DOCK6: variants seen among roughly 807,000 people sequenced by gnomAD.
DOCK6 encodes the protein dedicator of cytokinesis 6.
Under a neutral mutation model 230.3 loss-of-function variants are expected in DOCK6, and 167 were observed. The ratio of observed to expected loss-of-function variants is 0.73; its 90% CI spans 0.64 to 0.82. DOCK6 has a LOEUF of 0.82. DOCK6 is among the 40% of genes least tolerant of loss of function. DOCK6 has a pLI of 0.00. For missense variants in DOCK6, 2,598 were observed against 2,825.8 expected, an observed-to-expected ratio of 0.92 and a Z score of 1.83; for synonymous variants, 1,148 against 1,185.0, an observed-to-expected ratio of 0.97 and a Z score of 0.64.
chr19:11,236,788 C>G lies in DOCK6; in HGVS notation c.2160+5G>C, dbSNP rs150276162. 11 of 1,552,378 alleles carry G rather than the reference C, an allele frequency of 7.1e-6. No individual in the cohort carries two copies. Among genetic ancestry groups the G allele is most frequent in the Non-Finnish European group, 7.0e-6 (8 of 1,147,812 alleles). On this transcript the variant is annotated splice_donor_5th_base_variant and intron_variant, in intron 19 of 47. Coordinates refer to ENST00000294618, the MANE Select transcript of DOCK6 (RefSeq NM_020812.4). The surrounding 1 kb of genome is among the most constrained non-coding windows in gnomAD (Gnocchi z 5.2). ...GGGACTCTTGGTTCCCGGCCCACCCCGTACCTGGGGGTGCACAGAGGACAC... is the reference window on the plus strand; with the variant it reads ...GGGACTCTTGGTTCCCGGCCCACCCGGTACCTGGGGGTGCACAGAGGACAC...
At chr19:11,255,873 G>A (rs1405782540) in intron 1 of DOCK6, among the ~76,000 whole-genome samples, 5 of 152,062 alleles carry the variant, frequency 3.3e-5, no homozygotes, top group East Asian at 1.9e-4. Flanking sequence ...TGCAAGCTCC[G>A]CCTCCCGGGT....
intron 5 of DOCK6, chr19:11,251,775 A>G (rs1464144326): frequency 5.7e-6 from 1 of 174,710 alleles, no homozygotes; most frequent in African/African-American, 2.4e-5. Flanking sequence ...TAATCTTTGG[A>G]ATAATTATGG....
intron 20 of DOCK6, 118 bp from the exon 21 acceptor site, chr19:11,235,877 A>ATTTTTTTT (rs56665433): frequency 3.4e-6 from 3 of 886,196 alleles, no homozygotes; most frequent in African/African-American, 2.1e-5. Flanking sequence ...GGGGTCACAA[A>ATTTTTTTT]TTTTTTTTTT....
intron 41 of DOCK6, chr19:11,203,647 C>G: frequency 5.0e-6 from 1 of 201,062 alleles, no homozygotes; most frequent in Non-Finnish European, 1.0e-5. Flanking sequence ...AAATGAGGAG[C>G]AGAGAGCCTG....
chr19:11,239,574 G>GT, intron 14 of DOCK6: 1 of 1,586,952 alleles, frequency 6.3e-7, no homozygotes, highest in Admixed American at 1.8e-5. Flanking sequence ...CTGGGGATCA[G>GT]TGGGGGTATG....
At chr19:11,237,823 C>T (rs990374216) in intron 16 of DOCK6, 44 bp from the exon 17 acceptor site, 5 of 1,541,836 alleles carry the variant, frequency 3.2e-6, no homozygotes, top group Non-Finnish European at 3.5e-6. Context: ...CTGGGGTCCC[C>T]ACTGTCTGCC....
Position 11,201,832 on chromosome 19 carries a change from C to CCCG in DOCK6, c.5688+56_5688+57insCGG. ...CTGTGTCTACCCTCCCCTCCCCTCC[C>CCCG]AGGGTCTGATGTCCCCTCACCTCCC... On this transcript the variant is annotated intron_variant, in intron 44 of 47. Coordinates refer to ENST00000294618, the MANE Select transcript of DOCK6 (RefSeq NM_020812.4). The surrounding 1 kb of genome is among the most constrained non-coding windows in gnomAD (Gnocchi z 4.3). 3 of 1,317,132 alleles carry CCCG rather than the reference C, an allele frequency of 2.3e-6. No individual in the cohort carries two copies. The highest frequency in any genetic ancestry group is 1.0e-6 in the Non-Finnish European group (1 of 961,284). 81.6% of individuals were successfully genotyped at this position (1,317,132 alleles called of 1,614,324 possible).
intron 2 of DOCK6, 144 bp from the exon 3 acceptor site, chr19:11,253,102 A>G: frequency 1.3e-6 from 1 of 793,370 alleles, no homozygotes; most frequent in Non-Finnish European, 2.0e-6. Flanking sequence ...CGGAGGAACC[A>G]TGGAGGATGA....
At chr19:11,220,120 A>G (rs1281257512) in intron 28 of DOCK6, among the ~76,000 whole-genome samples, 1 of 151,852 alleles carries the variant, frequency 6.6e-6, no homozygotes, top group African/African-American at 2.4e-5. Flanking sequence ...CGTCGAGCTA[A>G]TGTTTGTATT....
Position 11,227,388 on chromosome 19 carries a change from G to A in DOCK6, c.2904C>T (p.Ile968=), listed in dbSNP as rs778201189. The change falls in exon 24 of 48, where the codon ATC becomes ATT. Residue 968 remains isoleucine (I), a synonymous_variant. Transcript: ENST00000294618. ...GGCCCACAGAGCCCACCAAGGCAGT[G>A]ATGTCGTCCAGGAAGCGTCCGGGGA... ...LRFPGRFLDD[I]TALVGSVGLE... 6.2e-7 allele frequency: 1 copy of A among 1,613,886 alleles called. No individual in the cohort carries two copies. The highest frequency in any genetic ancestry group is 1.1e-5 in the South Asian group (1 of 91,078).
chr19:11,240,140 G>C, intron 14 of DOCK6: 1 of 1,551,692 alleles, frequency 6.4e-7, no homozygotes, highest in South Asian at 1.2e-5. Context: ...AGCAGATGGA[G>C]GAGGATATTC....
chr19:11,213,068 T>G, intron 35 of DOCK6, 108 bp downstream of exon 35: 2 of 1,414,546 alleles, frequency 1.4e-6, no homozygotes, highest in East Asian at 2.4e-5. Context: ...CTCCTGCTCA[T>G]TATGCTCAAT....
Position 11,217,040 on chromosome 19 carries a change from A to G in DOCK6, c.3768T>C (p.Cys1256=), listed in dbSNP as rs1234664260. Residue 1256 remains cysteine, a synonymous_variant, in exon 30 of 48, where the codon TGT becomes TGC. Coordinates refer to ENST00000294618, the MANE Select transcript of DOCK6 (RefSeq NM_020812.4). ...SAESSRTLLA[C]VLWVLKNTEP... ...CGGTGTTTTTCAGCACCCACAGCAC[A>G]CACGCCAGCAAGGTCCGGCTTGACT... 2 of 1,613,524 alleles carry G rather than the reference A, an allele frequency of 1.2e-6. No individual in the cohort carries two copies. Among genetic ancestry groups the G allele is most frequent in the Non-Finnish European group, 1.7e-6 (2 of 1,179,898 alleles).
Position 11,217,262 on chromosome 19 carries a change from G to A in DOCK6, c.3680C>T (p.Ser1227Phe). ...AIAGGPLAPG[S>F]RASISQGPPT... is the part of the protein sequence containing the mutation. Reference sequence around the variant, plus strand: ...TGGCCCCTGGGAGATGCTGGCCCGGGAGCCAGGGGCTAGGGGGCCACCAGC... The same window carrying A: ...TGGCCCCTGGGAGATGCTGGCCCGGAAGCCAGGGGCTAGGGGGCCACCAGC... Residue 1227 changes from serine (S) to phenylalanine (F), a missense_variant, in exon 29 of 48, where the codon TCC (serine) becomes TTC (phenylalanine). Coordinates refer to ENST00000294618, the MANE Select transcript of DOCK6 (RefSeq NM_020812.4). The A allele has an allele frequency of 6.2e-7, 1 of 1,612,876 alleles. No homozygotes were observed. The highest frequency in any genetic ancestry group is 1.1e-5 in the South Asian group (1 of 90,940).
intron 28 of DOCK6, chr19:11,221,614 A>G (rs997450858): frequency 3.6e-6 from 2 of 561,700 alleles, no homozygotes; most frequent in Non-Finnish European, 6.3e-6. Context: ...ACAGCCCCCC[A>G]CATTTTCACA....
rs1239731340 is a variant in DOCK6 at position 11,243,670 on chromosome 19, T to C, written c.1145A>G (p.Gln382Arg). ...GTAGCGGCCCAGGCGGGTGCAGAAC[T>C]GCTCGGCCGCCAGGCGCAGCTTCTC... Reference protein sequence around the residue: ...KLEKLRLAAEQFCTRLGRYRM... With the variant: ...KLEKLRLAAERFCTRLGRYRM... The change falls in exon 11 of 48, where the codon CAG (glutamine) becomes CGG (arginine). Residue 382 changes from glutamine to arginine, a missense_variant. By Grantham distance (43) the Gln-to-Arg change is conservative (BLOSUM62 1). Transcript: ENST00000294618. This position sits in a 1 kb window ranked among gnomAD's most constrained non-coding sequence, Gnocchi z 6.3. 1 of 1,613,126 alleles carries C rather than the reference T, an allele frequency of 6.2e-7. No homozygotes were observed. The highest frequency in any genetic ancestry group is 8.5e-7 in the Non-Finnish European group (1 of 1,179,774).
chr19:11,218,632 G>A (rs767737787), intron 28 of DOCK6, among the ~76,000 whole-genome samples: 4 of 151,870 alleles, frequency 2.6e-5, no homozygotes, highest in African/African-American at 7.3e-5. Context: ...AGTTTTTGCA[G>A]AGACGTGGTC....
chr19:11,220,234 A>G (rs1334831399), intron 28 of DOCK6, among the ~76,000 whole-genome samples: 2 of 152,150 alleles, frequency 1.3e-5, no homozygotes, highest in Non-Finnish European at 2.9e-5. Context: ...GATTACAGGT[A>G]TGAACCACAT....
At chr19:11,232,396 C>T in intron 22 of DOCK6, 1 of 798,110 alleles carries the variant, frequency 1.3e-6, no homozygotes, top group Non-Finnish European at 1.8e-6. Flanking sequence ...CCCACATGTG[C>T]ACCTACACAC....
Sources: gnomAD v4.1 joint callset for allele counts (sites outside exome capture counted in the v4.1 genomes callset) on GRCh38, gnomAD v4.1.1 for gene constraint, Gnocchi (gnomAD v3.1) non-coding constraint, MANE v1.5 for transcripts, NCBI Gene and HGNC (gene_info 2026-07-23, HGNC 2026-07-21) for gene names.